The following DMD variants were observed in gnomAD, a reference collection of about 807,000 sequenced individuals.
The protein encoded by DMD is dystrophin, also known as mutant dystrophin.
DMD carries 63 observed loss-of-function variants against 330.1 expected under a neutral mutation model. The observed-to-expected ratio is 0.19, with a 90% CI of 0.16 to 0.24. DMD has a LOEUF of 0.24. Among genes scored for constraint, DMD ranks in the 10% least tolerant of loss-of-function variants. The pLI is 1.00. For synonymous variants in DMD, 1,223 were observed against 959.8 expected (o/e 1.27, Z -5.07); for missense variants, 3,344 against 2,684.1 (o/e 1.25, Z -5.43).
At chrX:33,150,041 CTA>C (rs1394660695) in intron 1 of DMD, among the ~76,000 whole-genome samples, 1 of 111,290 alleles carries the variant, frequency 9.0e-6, no homozygotes, top group Admixed American at 9.6e-5. Flanking sequence ...TGATACATGA[CTA>C]TAAAATAAAG....
intron 50 of DMD, among the ~76,000 whole-genome samples, chrX:31,785,696 C>T (rs887373726): frequency 2.7e-5 from 3 of 110,226 alleles, no homozygotes; most frequent in Admixed American, 9.7e-5. Flanking sequence ...TGAGAACATG[C>T]GGTGTTTGGT....
At chrX:32,690,270 G>A (rs188140922) in intron 9 of DMD, among the ~76,000 whole-genome samples, 27 of 110,716 alleles carry the variant, frequency 2.4e-4, no homozygotes, top group African/African-American at 8.8e-4. Flanking sequence ...ATTCACAAGA[G>A]CACCAAAAAG....
chrX:31,647,243 A>C lies in DMD; in HGVS notation c.8027+10747T>G, dbSNP rs773894780. 2.7e-5 allele frequency among the ~76,000 whole-genome samples: 3 copies of C among 111,069 alleles called. No individual in the cohort carries two copies. In the East Asian group the frequency reaches 8.6e-4, roughly 32 times the overall value. On this transcript the variant is annotated intron_variant, in intron 54 of 78. Transcript: ENST00000357033. ...AGATTACCGGGAATAGCTGCCTGAA[A>C]CCTCCTTCCAAATTGATAGGTATCC...
intron 74 of DMD, among the ~76,000 whole-genome samples, chrX:31,152,500 C>T (rs2037556171): frequency 9.4e-6 from 1 of 106,182 alleles, no homozygotes; most frequent in African/African-American, 3.4e-5. Flanking sequence ...CTTTGTTGTA[C>T]TAGTGTATTA....
intron 41 of DMD, among the ~76,000 whole-genome samples, chrX:32,319,474 T>A (rs909931234): frequency 8.9e-6 from 1 of 111,840 alleles, no homozygotes; most frequent in Non-Finnish European, 1.9e-5. Context: ...AAGATAGATA[T>A]GTGGTTACAA....
chrX:31,973,334 T>C (rs909294998), intron 44 of DMD, among the ~76,000 whole-genome samples: 30 of 108,976 alleles, frequency 2.8e-4, no homozygotes, highest in African/African-American at 9.6e-4. Flanking sequence ...GAAAAGCAAC[T>C]AGGAAGGATA....
intron 9 of DMD, among the ~76,000 whole-genome samples, chrX:32,655,019 T>A (rs926485670): frequency 8.9e-6 from 1 of 111,741 alleles, no homozygotes; most frequent in Non-Finnish European, 1.9e-5. Flanking sequence ...TTTTATTGCA[T>A]CTATTTGATT....
chrX:32,820,150 G>T (rs969073358), intron 5 of DMD, among the ~76,000 whole-genome samples: 3 of 112,419 alleles, frequency 2.7e-5, no homozygotes, highest in Non-Finnish European at 5.6e-5. Context: ...TGCTAATAAT[G>T]AAAAATGGGC....
At chrX:31,996,991 T>G (rs16990007) in intron 44 of DMD, among the ~76,000 whole-genome samples, 10,366 of 110,911 alleles carry the variant, frequency 0.093, 877 homozygotes, top group African/African-American at 0.26. Flanking sequence ...TATCTTCCAT[T>G]CCACAATGTG....
At chrX:33,231,753 G>A (rs1479846878) in intron 1 of DMD, among the ~76,000 whole-genome samples, 1 of 111,841 alleles carries the variant, frequency 8.9e-6, no homozygotes, top group Non-Finnish European at 1.9e-5. Flanking sequence ...AAGAGATAGA[G>A]CCATAGAGGA....
In DMD at chrX:33,218,539, T is replaced by TA. The variant is rs759237250; in HGVS notation, c.7+120719dup. 4.3e-3 allele frequency among the ~76,000 whole-genome samples: 466 copies of TA among 108,730 alleles called. 4 individuals carry two copies. Among genetic ancestry groups the TA allele is most frequent in the African/African-American group, 0.012 (362 of 29,756 alleles). The allele number at this position is 108,730 out of a possible 115,157, so 94.4% of individuals were successfully genotyped here. On this transcript the variant is annotated intron_variant, in intron 1 of 17. Coordinates refer to the DMD transcript ENST00000288447. Reference sequence around the variant, plus strand: ...CTTTCACTGTTTTTAAGACTTTTTTTAAAAAAAAAATATAACTAGTTTTCA... The same window carrying TA: ...CTTTCACTGTTTTTAAGACTTTTTTTAAAAAAAAAAATATAACTAGTTTTCA...
intron 52 of DMD, among the ~76,000 whole-genome samples, chrX:31,700,571 T>C (rs1464735623): frequency 1.8e-5 from 2 of 111,820 alleles, no homozygotes; most frequent in Admixed American, 9.5e-5. Flanking sequence ...TACGGAAAGA[T>C]GAGCTGGGTG....
At chrX:31,344,573 G>A (rs1016840173) in intron 61 of DMD, among the ~76,000 whole-genome samples, 3 of 111,557 alleles carry the variant, frequency 2.7e-5, no homozygotes, top group Non-Finnish European at 5.6e-5. Flanking sequence ...GAGAGGCCGG[G>A]CGTGGTGGCT....
At chrX:32,790,943 C>CAGGA (rs1428163544) in intron 7 of DMD, among the ~76,000 whole-genome samples, 1 of 111,190 alleles carries the variant, frequency 9.0e-6, no homozygotes, top group Non-Finnish European at 1.9e-5. Flanking sequence ...CATGCACCAC[C>CAGGA]AGGAGTCCTG....
At chrX:31,655,416 T>C (rs904288864) in intron 54 of DMD, among the ~76,000 whole-genome samples, 1 of 111,292 alleles carries the variant, frequency 9.0e-6, no homozygotes, top group African/African-American at 3.3e-5. Flanking sequence ...TAATTTATAT[T>C]AGATTGCACT....
At chrX:31,844,059 C>T (rs2093366705) in intron 48 of DMD, among the ~76,000 whole-genome samples, 1 of 111,559 alleles carries the variant, frequency 9.0e-6, no homozygotes, top group Admixed American at 9.5e-5. Context: ...CGGGGTTTCA[C>T]CATGTTGGCC....
chrX:33,173,598 CAGT>C (rs1226164398), intron 1 of DMD, among the ~76,000 whole-genome samples: 1 of 111,204 alleles, frequency 9.0e-6, no homozygotes, highest in Non-Finnish European at 1.9e-5. Context: ...ATCTCATAAA[CAGT>C]AGCTAATTCA....
intron 1 of DMD, among the ~76,000 whole-genome samples, chrX:33,046,175 C>T (rs1025907780): frequency 9.0e-6 from 1 of 111,328 alleles, no homozygotes. Context: ...CTAACAACTC[C>T]TGAATGTGAC....
rs751865780 is a variant in DMD, at chrX:31,381,283, T to C, written c.9085-32649A>G. Among the ~76,000 whole-genome samples the C allele has an allele frequency of 5.4e-5, 6 of 111,332 alleles. No individual in the cohort carries two copies. In the South Asian group the frequency reaches 1.5e-3, roughly 29 times the overall value. ...GCAGTCAGGATTCTTACATAAGGACTGGGATCACGTCCTGTAGCCTTTTTA... is the reference window on the plus strand; with the variant it reads ...GCAGTCAGGATTCTTACATAAGGACCGGGATCACGTCCTGTAGCCTTTTTA... On this transcript the variant is annotated intron_variant, in intron 60 of 78. Coordinates refer to ENST00000357033, the MANE Select transcript of DMD (RefSeq NM_004006.3).
Sources: gnomAD v4.1 joint callset for allele counts (sites outside exome capture counted in the v4.1 genomes callset) on GRCh38, gnomAD v4.1.1 for gene constraint, MANE v1.5 for transcripts, NCBI Gene and HGNC (gene_info 2026-07-23, HGNC 2026-07-21) for gene names.